Variants in NFIA observed in about 807,000 individuals in gnomAD.
NFIA encodes nuclear factor 1 A-type.
Under a neutral mutation model 62.8 loss-of-function variants are expected in NFIA, and 8 were observed. That is an observed-to-expected ratio of 0.13 (90% CI 0.07 to 0.23). NFIA has a LOEUF of 0.23. NFIA is among the 10% of genes least tolerant of loss of function. The pLI is 1.00. For synonymous variants in NFIA, 235 were observed against 238.1 expected (o/e 0.99, Z 0.12); for missense variants, 410 against 642.1 (o/e 0.64, Z 3.91).
At chr1:61,213,665 A>G (rs896429965) in intron 2 of NFIA, among the ~76,000 whole-genome samples, 1 of 152,202 alleles carries the variant, frequency 6.6e-6, no homozygotes, top group Non-Finnish European at 1.5e-5. Context: ...GCTTGAGTAC[A>G]GTTCCTTGGA....
At chr1:61,142,525 C>G (rs988790196) in intron 2 of NFIA, among the ~76,000 whole-genome samples, 5 of 152,134 alleles carry the variant, frequency 3.3e-5, no homozygotes, top group African/African-American at 1.2e-4. Context: ...AAATAGTAAA[C>G]TATGGTTTTG....
At chr1:61,398,186 C>T (rs576756972) in intron 7 of NFIA, among the ~76,000 whole-genome samples, 1 of 152,346 alleles carries the variant, frequency 6.6e-6, no homozygotes, top group Admixed American at 6.5e-5. Context: ...TGCTTCTGCA[C>T]TGTAGCAGCG....
chr1:61,218,572 A>C (rs942154780), intron 2 of NFIA, among the ~76,000 whole-genome samples: 1 of 152,212 alleles, frequency 6.6e-6, no homozygotes, highest in African/African-American at 2.4e-5. Flanking sequence ...GAAGAAAATA[A>C]AATCACCTTG....
chr1:61,403,860 C>T lies in NFIA; in HGVS notation c.1076-244C>T, dbSNP rs553412526. Among the ~76,000 whole-genome samples the T allele has an allele frequency of 5.3e-5, 8 of 152,246 alleles. No individual in the cohort carries two copies. The South Asian group carries it at 1.2e-3, about 24-fold the overall frequency. On this transcript the variant is annotated intron_variant, in intron 7 of 10. Coordinates refer to ENST00000403491, the MANE Select transcript of NFIA (RefSeq NM_001134673.4). ...CAGCCTCACCAAGGATTATTAATGC[C>T]TTTATAACTCATGTCCACTGAAAAT...
At chr1:61,454,467 A>G (rs890957198) in intron 10 of NFIA, among the ~76,000 whole-genome samples, 12 of 152,236 alleles carry the variant, frequency 7.9e-5, no homozygotes, top group African/African-American at 2.7e-4. Flanking sequence ...GCAGGCACAC[A>G]GAAGGCTCTA....
upstream of NFIA, chr1:61,082,141 C>G (rs1411825335): frequency 1.4e-5 from 12 of 864,554 alleles, no homozygotes; most frequent in Non-Finnish European, 1.9e-5. Context: ...TATAGCTGCC[C>G]GGGAGTACAG....
At chr1:61,424,962 A>T (rs1398769355) in intron 9 of NFIA, among the ~76,000 whole-genome samples, 1 of 152,266 alleles carries the variant, frequency 6.6e-6, no homozygotes, top group Non-Finnish European at 1.5e-5. Flanking sequence ...AGACAAAATC[A>T]GTAGATTTAC....
chr1:61,372,335 A>G (rs556812542), intron 6 of NFIA, among the ~76,000 whole-genome samples: 2 of 152,142 alleles, frequency 1.3e-5, no homozygotes, highest in Non-Finnish European at 2.9e-5. Context: ...ATTTTTAATA[A>G]AATATTTCTA....
intron 2 of NFIA, among the ~76,000 whole-genome samples, chr1:61,114,325 A>AT (rs1646760395): frequency 2.0e-5 from 3 of 151,780 alleles, no homozygotes; most frequent in East Asian, 2.0e-4. Context: ...ATCTTAAAAA[A>AT]ATTTTTTTTT....
At chr1:61,377,079 C>T (rs1049594278) in intron 6 of NFIA, among the ~76,000 whole-genome samples, 30 of 151,648 alleles carry the variant, frequency 2.0e-4, no homozygotes, top group African/African-American at 6.1e-4. Context: ...AAAAATTAGC[C>T]GGGTATGGTG....
At chr1:61,087,425 G>A (rs1248631599) in intron 1 of NFIA, among the ~76,000 whole-genome samples, 1 of 150,524 alleles carries the variant, frequency 6.6e-6, no homozygotes, top group Non-Finnish European at 1.5e-5. Context: ...CATAGTATTA[G>A]CAATTATGTC....
intron 2 of NFIA, among the ~76,000 whole-genome samples, chr1:61,248,404 G>A (rs1655790121): frequency 6.6e-6 from 1 of 152,090 alleles, no homozygotes; most frequent in Non-Finnish European, 1.5e-5. Context: ...AGCCCTGAGA[G>A]GTAGGGTTTC....
chr1:61,333,995 A>G (rs748486459), intron 4 of NFIA, among the ~76,000 whole-genome samples: 13 of 152,184 alleles, frequency 8.5e-5, no homozygotes, highest in Non-Finnish European at 1.9e-4. Flanking sequence ...GTGAGACTCC[A>G]TCTCAAAAAA....
intron 7 of NFIA, among the ~76,000 whole-genome samples, chr1:61,402,956 T>C (rs1460239169): frequency 6.6e-6 from 1 of 152,200 alleles, no homozygotes; most frequent in Non-Finnish European, 1.5e-5. Context: ...ATGCATTCTT[T>C]TTCACAGCCT....
intron 3 of NFIA, among the ~76,000 whole-genome samples, chr1:61,282,478 G>A (rs1317983950): frequency 1.3e-5 from 2 of 152,192 alleles, no homozygotes; most frequent in African/African-American, 4.8e-5. Flanking sequence ...ATGCCTGCCT[G>A]ATATTTACAG....
At chr1:61,081,218 C>G (rs78055851), upstream of NFIA, among the ~76,000 whole-genome samples, 2,495 of 151,922 alleles carry the variant, frequency 0.016, 30 homozygotes, top group Middle Eastern at 0.031. Context: ...GGCTTTCCCC[C>G]CTCCGAGAGA....
intron 2 of NFIA, among the ~76,000 whole-genome samples, chr1:61,090,908 T>C (rs1321155489): frequency 1.3e-5 from 2 of 152,244 alleles, no homozygotes; most frequent in Non-Finnish European, 2.9e-5. Context: ...AGACCTGTTA[T>C]TTGTGGAAGG....
chr1:61,137,928 T>C (rs1044531989), intron 2 of NFIA, among the ~76,000 whole-genome samples: 2 of 150,788 alleles, frequency 1.3e-5, no homozygotes, highest in Non-Finnish European at 3.0e-5. Context: ...CACATTTTCT[T>C]TCTCTCTCTC....
intron 3 of NFIA, among the ~76,000 whole-genome samples, chr1:61,316,125 T>C (rs556634564): frequency 2.0e-5 from 3 of 152,280 alleles, no homozygotes; most frequent in African/African-American, 7.2e-5. Context: ...AGACCACATG[T>C]CTGAGAGTCT....
Sources: gnomAD v4.1 joint callset for allele counts (sites outside exome capture counted in the v4.1 genomes callset) on GRCh38, gnomAD v4.1.1 for gene constraint, MANE v1.5 for transcripts, NCBI Gene and HGNC (gene_info 2026-07-23, HGNC 2026-07-21) for gene names.